ZNF630: variants seen among roughly 807,000 people sequenced by gnomAD.
ZNF630 encodes dJ54B20.2 (novel KRAB box containing C2H2 type zinc finger protein).
In ZNF630, 5 loss-of-function variants were observed where a neutral mutation model predicts 7.2. The ratio of observed to expected loss-of-function variants is 0.70; its 90% CI spans 0.36 to 1.46. The LOEUF is 1.46. ZNF630 is among the 40% of genes most tolerant of loss of function. ZNF630 has a pLI of 0.03. For synonymous variants in ZNF630, 158 were observed against 162.8 expected (o/e 0.97, Z 0.23); for missense variants, 461 against 477.0 (o/e 0.97, Z 0.31).
rs1254178217 is a variant in ZNF630 at position 48,060,536 on chromosome X, C to T, written c.152G>A (p.Gly51Asp). ...YNHLVSVGCSGIKPDVIFKLE... is the reference protein window; with the variant it reads ...YNHLVSVGCSDIKPDVIFKLE... ...CTTAAAGATTACATCTGGTTTTATA[C>T]CTGAACACCCTGTTAAGAGAAAATT... is the stretch of plus-strand genomic sequence containing the variant. The change falls in exon 4 of 5, where the codon GGT becomes GAT. Residue 51 changes from glycine to aspartate, a missense_variant. Gly to Asp is a moderately conservative substitution (Grantham distance 94). Coordinates refer to ENST00000276054, the MANE Select transcript of ZNF630 (RefSeq NM_001282201.2). 1 of 1,198,923 alleles carries T rather than the reference C, an allele frequency of 8.3e-7. No homozygotes were observed. The highest frequency in any genetic ancestry group is 1.8e-5 in the South Asian group (1 of 55,656).
rs782137529 is a variant in ZNF630, at chrX:48,061,928, A to G, written c.16-983T>C. 5.1e-5 allele frequency: 8 copies of G among 155,742 alleles called. No homozygotes were observed. In the South Asian group the frequency reaches 8.3e-4, roughly 16 times the overall value. The allele number at this position is 155,742 out of a possible 1,213,427, so 12.8% of individuals were successfully genotyped here. A position where few individuals can be genotyped will look rare whatever the true frequency, so the allele number is the denominator to read the frequency against. ...AGTGACATGAGAACAGACTAATACG[A>G]TGGTCAAGGGACATGACCATCATTT... On this transcript the variant is annotated intron_variant, in intron 2 of 4. Transcript: ENST00000276054.
At chrX:48,068,235 GAAA>G (rs1556910465) in intron 1 of ZNF630, among the ~76,000 whole-genome samples, 1 of 70,913 alleles carries the variant, frequency 1.4e-5, no homozygotes, top group African/African-American at 4.9e-5. Context: ...GAAAAGAAAA[GAAA>G]AGAAAAGAGG....
At position 48,058,244 on chromosome X, in the gene ZNF630, T is replaced by C. The variant is rs2059078650; in HGVS notation, c.*224A>G. Reference sequence around the variant, plus strand: ...CTAATTCTTCCAGATACATTTATTCTGTGAAGAGGGCTGAGACAGTTTGAG... The same window carrying C: ...CTAATTCTTCCAGATACATTTATTCCGTGAAGAGGGCTGAGACAGTTTGAG... On this transcript the variant is annotated 3_prime_UTR_variant, in exon 5 of 5. Transcript: ENST00000276054. 1 of 310,041 alleles carries C rather than the reference T, an allele frequency of 3.2e-6. No individual in the cohort carries two copies. The highest frequency in any genetic ancestry group is 1.6e-4 in the South Asian group (1 of 6,258). 25.6% of individuals were successfully genotyped at this position (310,041 alleles called of 1,213,427 possible).
At chrX:48,068,199 GAAAGAAAAGAAAAGAAAAGAAAAAAGA>G (rs2059141295) in intron 1 of ZNF630, among the ~76,000 whole-genome samples, 5 of 45,728 alleles carry the variant, frequency 1.1e-4, no homozygotes, top group Admixed American at 2.8e-4. Flanking sequence ...AGGAAGGAAG[GAAAGAAAAGAAAAGAAAAGAAAAAAGA>G]AAAGAAAAGA....
rs1556908752 is a variant in ZNF630 at position 48,059,783 on chromosome X, G to A, written c.659C>T (p.Ser220Phe). 1.7e-6 allele frequency: 2 copies of A among 1,208,660 alleles called. No homozygotes were observed. Among genetic ancestry groups the A allele is most frequent in the Non-Finnish European group, 2.2e-6 (2 of 893,300 alleles). ...GRPPKYNASC[S>F]VPEKEGFIHT... Reference sequence around the variant, plus strand: ...AATGAAGCCTTCCTTCTCAGGCACAGAACAGGAAGCATTATACTTAGGTGG... The same window carrying A: ...AATGAAGCCTTCCTTCTCAGGCACAAAACAGGAAGCATTATACTTAGGTGG... Residue 220 changes from serine (S) to phenylalanine (F), a missense_variant, in exon 5 of 5, where the codon TCT becomes TTT. Physicochemically the swap from Ser to Phe is radical, Grantham distance 155. Transcript: ENST00000276054.
chrX:48,064,285 A>G (rs1159196079), intron 2 of ZNF630, among the ~76,000 whole-genome samples: 1 of 111,796 alleles, frequency 8.9e-6, no homozygotes, highest in African/African-American at 3.3e-5. Context: ...AACTAGAAAT[A>G]ACTTTTTTAC....
Position 48,059,976 on chromosome X carries a change from T to C in ZNF630, c.466A>G (p.Ser156Gly), listed in dbSNP as rs1556908830. The C allele has an allele frequency of 8.3e-7, 1 of 1,206,646 alleles. No individual in the cohort carries two copies. ...CGATTGAACATTTTCCCAAATGCAC[T>C]GTACTTGGAACCCATCTCATCAGTC... ...TLTDEMGSKY[S>G]AFGKMFNRCT... Residue 156 changes from serine to glycine, a missense_variant, in exon 5 of 5, where the codon AGT (serine) becomes GGT (glycine). Coordinates refer to ENST00000276054, the MANE Select transcript of ZNF630 (RefSeq NM_001282201.2).
intron 2 of ZNF630, among the ~76,000 whole-genome samples, chrX:48,065,664 C>T (rs1188552229): frequency 1.0e-5 from 1 of 98,616 alleles, no homozygotes; most frequent in Non-Finnish European, 2.0e-5. Context: ...GCCTGGGCGA[C>T]AAGAGTGAAA....
At chrX:48,061,975 G>A (rs1369229786) in intron 2 of ZNF630, among the ~76,000 whole-genome samples, 3 of 111,890 alleles carry the variant, frequency 2.7e-5, no homozygotes, top group Non-Finnish European at 3.8e-5. Context: ...AAATGCAAAT[G>A]TTTTTTAAAC....
chrX:48,058,252 G>A lies in ZNF630; in HGVS notation c.*216C>T, dbSNP rs782285271. The A allele has an allele frequency of 7.9e-5, 26 of 330,424 alleles. 1 individual carries two copies. The highest frequency in any genetic ancestry group is 7.0e-4 in the African/African-American group (26 of 37,122). 27.2% of individuals were successfully genotyped at this position (330,424 alleles called of 1,213,427 possible). Reference sequence around the variant, plus strand: ...TCCAGATACATTTATTCTGTGAAGAGGGCTGAGACAGTTTGAGGGTGAGCA... The same window carrying A: ...TCCAGATACATTTATTCTGTGAAGAAGGCTGAGACAGTTTGAGGGTGAGCA... On this transcript the variant is annotated 3_prime_UTR_variant, in exon 5 of 5. Coordinates refer to ENST00000276054, the MANE Select transcript of ZNF630 (RefSeq NM_001282201.2).
rs994666685 is a variant in ZNF630 at position 48,058,902 on chromosome X, G to T, written c.1540C>A (p.Pro514Thr). 6 of 1,206,404 alleles carry T rather than the reference G, an allele frequency of 5.0e-6. No homozygotes were observed. The highest frequency in any genetic ancestry group is 4.6e-4 in the Middle Eastern group (2 of 4,364). The change falls in exon 5 of 5, where the codon CCT becomes ACT. Residue 514 changes from proline to threonine, a missense_variant. Coordinates refer to ENST00000276054, the MANE Select transcript of ZNF630 (RefSeq NM_001282201.2). ...TTGCCACATTCACCACACTGATAAG[G>T]TTTCTCCCCTGTATGAATTCTCTGG... is the stretch of plus-strand genomic sequence containing the variant. ...IHQRIHTGEK[P>T]YQCGECGKTF... is the part of the protein sequence containing the mutation.
At chrX:48,067,554 C>T (rs893948890) in intron 1 of ZNF630, among the ~76,000 whole-genome samples, 1 of 111,860 alleles carries the variant, frequency 8.9e-6, no homozygotes, top group Non-Finnish European at 1.9e-5. Context: ...TGGGCCAGCA[C>T]GTTGGAAGGC....
chrX:48,069,749 C>T (rs782242068), intron 1 of ZNF630, among the ~76,000 whole-genome samples: 1 of 110,300 alleles, frequency 9.1e-6, no homozygotes, highest in East Asian at 2.8e-4. Context: ...TCCTCCCAAG[C>T]TGTCCTAGCA....
chrX:48,061,850 G>A lies in ZNF630; in HGVS notation c.16-905C>T, dbSNP rs1461623673. ...CTTCCCCACCCCCGTGGAACTGTGAGTCAATTAAACCTCTCTCCTTTATAA... is the reference window on the plus strand; with the variant it reads ...CTTCCCCACCCCCGTGGAACTGTGAATCAATTAAACCTCTCTCCTTTATAA... On this transcript the variant is annotated intron_variant, in intron 2 of 4. Transcript: ENST00000276054. The A allele has an allele frequency of 1.0e-5, 3 of 299,807 alleles. No individual in the cohort carries two copies. In the East Asian group the frequency reaches 3.3e-4, roughly 33 times the overall value. 24.7% of individuals were successfully genotyped at this position (299,807 alleles called of 1,213,427 possible).
rs1324083221 is a variant in ZNF630, at chrX:48,058,549, G to C, written c.1893C>G (p.Asp631Glu). 2.5e-6 allele frequency: 3 copies of C among 1,207,692 alleles called. No individual in the cohort carries two copies. In the Admixed American group the frequency reaches 6.5e-5, roughly 26 times the overall value. The change falls in exon 5 of 5, where the codon GAC becomes GAG. Residue 631 changes from aspartate to glutamate, a missense_variant. Physicochemically the swap from Asp to Glu is conservative, Grantham distance 45. Coordinates refer to ENST00000276054, the MANE Select transcript of ZNF630 (RefSeq NM_001282201.2). ...HTGEKPSRCS[D>E]CGKAFCQHVY... ...CATGCTGGCAGAATGCCTTCCCACA[G>C]TCACTGCATCTGGAGGGTTTCTCCC...
At chrX:48,060,982 G>T in intron 2 of ZNF630, 37 bp from the exon 3 acceptor site, 8 of 1,153,261 alleles carry the variant, frequency 6.9e-6, no homozygotes, top group Non-Finnish European at 9.3e-6. Flanking sequence ...TGCTCGTTCT[G>T]GTCATTTTTA....
At chrX:48,065,234 G>T (rs1556909850) in intron 2 of ZNF630, among the ~76,000 whole-genome samples, 1 of 110,981 alleles carries the variant, frequency 9.0e-6, no homozygotes, top group African/African-American at 3.3e-5. Flanking sequence ...GGGCGCAGTG[G>T]CTCATGCCTG....
chrX:48,064,335 T>G (rs782167449), intron 2 of ZNF630, among the ~76,000 whole-genome samples: 2 of 111,907 alleles, frequency 1.8e-5, no homozygotes, highest in African/African-American at 6.5e-5. Flanking sequence ...AAACATTAAA[T>G]GGACATTTAA....
chrX:48,068,084 G>C (rs1034698802), intron 1 of ZNF630, among the ~76,000 whole-genome samples: 11 of 105,053 alleles, frequency 1.0e-4, no homozygotes, highest in African/African-American at 3.2e-4. Context: ...AGAAAGGCAG[G>C]AAGGAAGGCA....
Sources: allele counts gnomAD v4.1 joint callset (sites outside exome capture counted in the v4.1 genomes callset), GRCh38; gene constraint gnomAD v4.1.1; transcripts MANE v1.5; gene names NCBI Gene and HGNC (gene_info 2026-07-23, HGNC 2026-07-21).